Variants in BTBD9 observed in about 807,000 individuals in gnomAD.
The protein encoded by BTBD9 is BTB domain containing 9, also known as BTB/POZ domain-containing protein 9.
BTBD9 carries 49 observed loss-of-function variants against 64.3 expected under a neutral mutation model. The ratio of observed to expected loss-of-function variants is 0.76; its 90% CI spans 0.61 to 0.97. The LOEUF (loss-of-function observed/expected upper bound fraction) is 0.97, where lower values mean the gene tolerates loss of function less well. Ranked by LOEUF, BTBD9 falls within the 50% of genes least tolerant of loss-of-function variation. The pLI, the probability that BTBD9 is intolerant of heterozygous loss-of-function variation, is 0.00. For synonymous variants in BTBD9, 260 were observed against 274.7 expected, an observed-to-expected ratio of 0.95 and a Z score of 0.53; for missense variants, 598 against 762.1, an observed-to-expected ratio of 0.78 and a Z score of 2.53.
intron 8 of BTBD9, among the ~76,000 whole-genome samples, chr6:38,271,225 T>A (rs888537592): frequency 4.6e-5 from 7 of 151,938 alleles, no homozygotes; most frequent in African/African-American, 1.7e-4. Context: ...GAGGTCAGAG[T>A]TGGGGAATGA....
rs372324664 is a variant in BTBD9 at position 38,228,521 on chromosome 6, C to T, written c.1562+27888G>A. The stretch of plus-strand genomic sequence containing the variant: ...TGCATGTAGAGGGGCAGAAGGGATA[C>T]GGAAAATCTCTGTACCTTCCTCCCA... On this transcript the variant is annotated intron_variant, in intron 9 of 10. Coordinates refer to ENST00000481247, the MANE Select transcript of BTBD9 (RefSeq NM_001099272.2). 7.5e-4 allele frequency among the ~76,000 whole-genome samples: 114 copies of T among 151,780 alleles called. 2 individuals are homozygous for T. The highest frequency in any genetic ancestry group is 2.6e-4 in the Non-Finnish European group (18 of 67,942).
At chr6:38,598,653 C>T (rs1221452556) in intron 1 of BTBD9, among the ~76,000 whole-genome samples, 1 of 152,096 alleles carries the variant, frequency 6.6e-6, no homozygotes, top group East Asian at 1.9e-4. Flanking sequence ...CACGGTGGCT[C>T]ACGCCTGTAA....
intron 6 of BTBD9, among the ~76,000 whole-genome samples, chr6:38,548,557 T>C (rs1421170415): frequency 6.6e-6 from 1 of 152,128 alleles, no homozygotes; most frequent in Non-Finnish European, 1.5e-5. Flanking sequence ...AGATGGCATC[T>C]TGGAAGAAAG....
intron 6 of BTBD9, among the ~76,000 whole-genome samples, chr6:38,452,688 T>C (rs1769613306): frequency 6.6e-6 from 1 of 152,034 alleles, no homozygotes. Flanking sequence ...TGTAGGTCTA[T>C]GTGACTAAGA....
intron 10 of BTBD9, among the ~76,000 whole-genome samples, chr6:38,187,987 G>A (rs190719600): frequency 6.6e-6 from 1 of 152,290 alleles, no homozygotes; most frequent in East Asian, 1.9e-4. Flanking sequence ...AGGGAAGCGG[G>A]GAAAATTAGC....
intron 6 of BTBD9, among the ~76,000 whole-genome samples, chr6:38,487,622 A>AGAAG (rs1771515994): frequency 6.8e-6 from 1 of 147,992 alleles, no homozygotes; most frequent in Non-Finnish European, 1.5e-5. Flanking sequence ...AGAGAGAGAG[A>AGAAG]GAAGGAAGGA....
chr6:38,513,951 G>A (rs74984727), intron 6 of BTBD9, among the ~76,000 whole-genome samples: 10,437 of 151,880 alleles, frequency 0.069, 455 homozygotes, highest in Middle Eastern at 0.17. Context: ...TTAGTAGAAG[G>A]CAAATGCTAG....
intron 6 of BTBD9, among the ~76,000 whole-genome samples, chr6:38,488,654 C>T (rs1452054025): frequency 6.6e-6 from 1 of 152,114 alleles, no homozygotes; most frequent in African/African-American, 2.4e-5. Context: ...CAGACGAAAA[C>T]CAGCAGCTCT....
chr6:38,581,105 T>A (rs1776265323), intron 4 of BTBD9, among the ~76,000 whole-genome samples: 1 of 152,176 alleles, frequency 6.6e-6, no homozygotes, highest in Admixed American at 6.5e-5. Context: ...GGCAGGAGAA[T>A]CACTTGAACC....
intron 6 of BTBD9, among the ~76,000 whole-genome samples, chr6:38,508,001 T>C (rs1047164960): frequency 8.6e-5 from 13 of 151,852 alleles, no homozygotes; most frequent in Non-Finnish European, 7.4e-5. Flanking sequence ...ACCCCCCTAA[T>C]TTTTTGTATT....
chr6:38,460,028 A>C (rs1340787728), intron 6 of BTBD9, among the ~76,000 whole-genome samples: 1 of 152,228 alleles, frequency 6.6e-6, no homozygotes, highest in Non-Finnish European at 1.5e-5. Flanking sequence ...AATTTCAATT[A>C]GAAAATCCTA....
intron 5 of BTBD9, among the ~76,000 whole-genome samples, chr6:38,579,009 ATAT>A (rs1290927923): frequency 1.3e-5 from 2 of 152,236 alleles, no homozygotes; most frequent in Non-Finnish European, 2.9e-5. Context: ...CTGCATATAC[ATAT>A]TATTATTATA....
intron 6 of BTBD9, among the ~76,000 whole-genome samples, chr6:38,493,275 A>G (rs1771784601): frequency 6.6e-6 from 1 of 152,254 alleles, no homozygotes; most frequent in Admixed American, 6.5e-5. Context: ...GCAGGCGGCC[A>G]GAAACGTGTT....
At chr6:38,237,678 T>C (rs1019859927) in intron 9 of BTBD9, among the ~76,000 whole-genome samples, 1 of 152,132 alleles carries the variant, frequency 6.6e-6, no homozygotes, top group African/African-American at 2.4e-5. Flanking sequence ...GAAGAAAAGA[T>C]AATCTGATGA....
intron 9 of BTBD9, among the ~76,000 whole-genome samples, chr6:38,250,294 A>G (rs1764347895): frequency 6.6e-6 from 1 of 152,242 alleles, no homozygotes; most frequent in South Asian, 2.1e-4. Flanking sequence ...CAACCAATGA[A>G]CAAACAGTAT....
intron 10 of BTBD9, among the ~76,000 whole-genome samples, chr6:38,188,185 T>C (rs183281483): frequency 3.0e-4 from 45 of 152,336 alleles, no homozygotes; most frequent in Admixed American, 2.9e-3. Context: ...CGGGGGTGTT[T>C]GGAGTTCGGG....
intron 6 of BTBD9, among the ~76,000 whole-genome samples, chr6:38,363,595 A>G (rs148112881): frequency 2.0e-5 from 3 of 152,298 alleles, no homozygotes; most frequent in African/African-American, 7.2e-5. Context: ...AAGTTACTCT[A>G]ACTCTGAAGA....
chr6:38,315,676 T>A (rs940276899), intron 7 of BTBD9, among the ~76,000 whole-genome samples: 2 of 152,224 alleles, frequency 1.3e-5, no homozygotes, highest in African/African-American at 4.8e-5. Flanking sequence ...AGAGAAGATA[T>A]CTGATATTAT....
At chr6:38,577,805 C>CA in intron 5 of BTBD9, 86 bp from the exon 6 acceptor site, 1 of 1,179,140 alleles carries the variant, frequency 8.5e-7, no homozygotes, top group East Asian at 2.5e-5. Context: ...TTAAAAGGTA[C>CA]AAAAAATACA....
Sources: gnomAD v4.1 joint callset for allele counts (sites outside exome capture counted in the v4.1 genomes callset) on GRCh38, gnomAD v4.1.1 for gene constraint, MANE v1.5 for transcripts, NCBI Gene and HGNC (gene_info 2026-07-23, HGNC 2026-07-21) for gene names.